KLF8: variants seen among roughly 807,000 people sequenced by gnomAD.
The protein encoded by KLF8 is Krueppel-like factor 8.
KLF8 carries 10 observed loss-of-function variants against 18.2 expected under a neutral mutation model. That is an observed-to-expected ratio of 0.55 (90% CI 0.34 to 0.93). The LOEUF is 0.93. KLF8 is among the 40% of genes least tolerant of loss of function. The pLI is 0.02. For missense variants in KLF8, 264 were observed against 277.9 expected, an observed-to-expected ratio of 0.95 and a Z score of 0.36; for synonymous variants, 109 against 97.3, an observed-to-expected ratio of 1.12 and a Z score of -0.71.
the KLF8 span, among the ~76,000 whole-genome samples, chrX:55,916,485 AT>A: frequency 2.7e-5 from 3 of 111,234 alleles, no homozygotes; most frequent in African/African-American, 9.8e-5. Context: ...GCCTTCTCCA[AT>A]TTTCTTTTTG....
At chrX:56,206,355 A>G in the KLF8 span, among the ~76,000 whole-genome samples, 6 of 111,939 alleles carry the variant, frequency 5.4e-5, no homozygotes, top group African/African-American at 1.3e-4. Flanking sequence ...TATCTGAGAC[A>G]AGGCAAGTCC....
the KLF8 span, among the ~76,000 whole-genome samples, chrX:56,049,558 C>T: frequency 2.8e-5 from 3 of 105,890 alleles, no homozygotes; most frequent in African/African-American, 1.0e-4. Context: ...TGTTTATATG[C>T]TGGATTACAT....
At chrX:56,011,803 G>A in the KLF8 span, among the ~76,000 whole-genome samples, 1 of 111,366 alleles carries the variant, frequency 9.0e-6, no homozygotes, top group Non-Finnish European at 1.9e-5. Flanking sequence ...AAATACAAAC[G>A]ACCATCAGAG....
At chrX:56,035,106 C>A in the KLF8 span, among the ~76,000 whole-genome samples, 1 of 111,780 alleles carries the variant, frequency 8.9e-6, no homozygotes, top group Admixed American at 9.5e-5. Context: ...AGAAATCTCT[C>A]CCTATTCCTC....
At chrX:56,106,490 C>T in the KLF8 span, among the ~76,000 whole-genome samples, 8 of 111,984 alleles carry the variant, frequency 7.1e-5, no homozygotes, top group African/African-American at 2.6e-4. Context: ...CCCTTTCTTC[C>T]ATTTGATCGA....
chrX:55,935,244 TAGA>T, the KLF8 span, among the ~76,000 whole-genome samples: 7 of 111,942 alleles, frequency 6.3e-5, no homozygotes, highest in African/African-American at 2.3e-4. Context: ...ACTAGTAAAG[TAGA>T]AGACCTGCAT....
the KLF8 span, among the ~76,000 whole-genome samples, chrX:56,191,283 C>G: frequency 9.0e-6 from 1 of 111,425 alleles, no homozygotes; most frequent in Non-Finnish European, 1.9e-5. Context: ...CATGAACAGA[C>G]CAAAAACAGG....
chrX:56,021,318 T>C, the KLF8 span, among the ~76,000 whole-genome samples: 1 of 112,174 alleles, frequency 8.9e-6, no homozygotes, highest in Non-Finnish European at 1.9e-5. Context: ...TATTTCATTG[T>C]ATGACTATAC....
the KLF8 span, among the ~76,000 whole-genome samples, chrX:55,911,603 C>A: frequency 9.0e-6 from 1 of 111,396 alleles, no homozygotes; most frequent in Non-Finnish European, 1.9e-5. Context: ...GTATAAAACA[C>A]CTCATTAGCC....
the KLF8 span, among the ~76,000 whole-genome samples, chrX:55,987,300 T>C: frequency 9.1e-6 from 1 of 110,391 alleles, no homozygotes; most frequent in Non-Finnish European, 1.9e-5. Flanking sequence ...ACTGCACCCA[T>C]TAACACTTCA....
the KLF8 span, among the ~76,000 whole-genome samples, chrX:56,195,741 G>A: frequency 1.8e-5 from 2 of 111,456 alleles, no homozygotes; most frequent in African/African-American, 3.3e-5. Context: ...ACACCACAAA[G>A]ATACTCCTTG....
the KLF8 span, among the ~76,000 whole-genome samples, chrX:56,068,848 C>G: frequency 2.2e-4 from 25 of 112,015 alleles, no homozygotes; most frequent in African/African-American, 8.1e-4. Context: ...CCTGCCTGCC[C>G]CCACCACTGA....
the KLF8 span, among the ~76,000 whole-genome samples, chrX:56,192,397 G>T: frequency 9.0e-6 from 1 of 111,362 alleles, no homozygotes; most frequent in Non-Finnish European, 1.9e-5. Flanking sequence ...ACTACAAAAA[G>T]CAATCTACAG....
chrX:56,247,503 A>T (rs1209274117), intron 1 of KLF8, among the ~76,000 whole-genome samples: 2 of 112,138 alleles, frequency 1.8e-5, no homozygotes, highest in African/African-American at 6.5e-5. Flanking sequence ...GCTTACTATA[A>T]CTTTTTTAGC....
chrX:55,916,555 A>C, the KLF8 span, among the ~76,000 whole-genome samples: 1 of 97,037 alleles, frequency 1.0e-5, no homozygotes, highest in Non-Finnish European at 1.9e-5. Flanking sequence ...TAATCATCAT[A>C]ATGATCTAAA....
chrX:55,923,583 C>T, the KLF8 span, among the ~76,000 whole-genome samples: 45 of 111,112 alleles, frequency 4.0e-4, no homozygotes, highest in Non-Finnish European at 7.2e-4. Context: ...TTTTTCAGCC[C>T]AGACTGGCAG....
chrX:56,162,245 C>T, the KLF8 span, among the ~76,000 whole-genome samples: 5 of 112,208 alleles, frequency 4.5e-5, no homozygotes, highest in Admixed American at 9.4e-5. Context: ...GCAGTCTGTC[C>T]ATTCTCAGAT....
At chrX:56,103,233 T>C in the KLF8 span, among the ~76,000 whole-genome samples, 1 of 110,660 alleles carries the variant, frequency 9.0e-6, no homozygotes, top group Non-Finnish European at 1.9e-5. Flanking sequence ...AGTAGTTTTT[T>C]CCAATTCTGT....
chrX:56,034,858 C>G, the KLF8 span, among the ~76,000 whole-genome samples: 1 of 102,132 alleles, frequency 9.8e-6, no homozygotes, highest in Non-Finnish European at 2.0e-5. Context: ...CGGGTTCACG[C>G]CATTCTCCTG....
Sources: allele counts gnomAD v4.1 joint callset (sites outside exome capture counted in the v4.1 genomes callset), GRCh38; gene constraint gnomAD v4.1.1; transcripts MANE v1.5; gene names NCBI Gene and HGNC (gene_info 2026-07-23, HGNC 2026-07-21).